The following RACGAP1 variants were observed in gnomAD, a reference collection of about 807,000 sequenced individuals.
The protein encoded by RACGAP1 is rac GTPase-activating protein 1.
RACGAP1 carries 30 observed loss-of-function variants against 78.1 expected under a neutral mutation model. The ratio of observed to expected loss-of-function variants is 0.38; its 90% CI spans 0.29 to 0.52. The LOEUF (loss-of-function observed/expected upper bound fraction) is 0.52, where lower values mean the gene tolerates loss of function less well. Ranked by LOEUF, RACGAP1 falls within the 20% of genes least tolerant of loss-of-function variation. The probability of loss-of-function intolerance (pLI) is 0.82; values close to 1 mark genes in which losing one functional copy is unlikely to be tolerated. For missense variants in RACGAP1, 587 were observed against 777.1 expected (o/e 0.76, Z 2.91); for synonymous variants, 231 against 264.8 (o/e 0.87, Z 1.24).
At position 49,990,316 on chromosome 12, in the gene RACGAP1, A is replaced by G; in HGVS notation, c.1851T>C (p.Thr617=). Residue 617 remains threonine (T), a synonymous_variant, in exon 17 of 17, where the codon ACT becomes ACC. Transcript: ENST00000312377. ...AAAAGTTGCCTTGTCGTCCTAGGTT[A>G]GTGGCAGACTTGCTTTTGCTCCCAA... ...PRFGSKSKSA[T]NLGRQGNFFA... The G allele has an allele frequency of 1.2e-6, 2 of 1,613,838 alleles. No homozygotes were observed. Among genetic ancestry groups the G allele is most frequent in the Non-Finnish European group, 1.7e-6 (2 of 1,179,710 alleles).
chr12:50,017,282 G>A (rs1298854331), intron 1 of RACGAP1, among the ~76,000 whole-genome samples: 1 of 152,228 alleles, frequency 6.6e-6, no homozygotes. Context: ...AATTATTTCT[G>A]TAATACAGGG....
chr12:49,999,593 G>C (rs768430969), intron 8 of RACGAP1, 23 bp downstream of exon 8: 8 of 1,592,044 alleles, frequency 5.0e-6, no homozygotes, highest in Non-Finnish European at 6.9e-6. Context: ...ACACAGGCCA[G>C]TTTAGTCACA....
intron 10 of RACGAP1, among the ~76,000 whole-genome samples, chr12:49,996,628 T>TGAAAAA (rs1948286731): frequency 1.6e-4 from 3 of 18,990 alleles, no homozygotes; most frequent in African/African-American, 6.8e-4. Context: ...GCAATAGAGC[T>TGAAAAA]AAAAAAAAAA....
chr12:50,004,345 G>A (rs2137420645), intron 4 of RACGAP1, 41 bp from the exon 5 acceptor site: 1 of 1,554,222 alleles, frequency 6.4e-7, no homozygotes, highest in Non-Finnish European at 8.8e-7. Flanking sequence ...ATGGTAGACT[G>A]TGGAATGTAA....
chr12:50,016,512 T>C, intron 2 of RACGAP1, 119 bp downstream of exon 2: 1 of 1,084,466 alleles, frequency 9.2e-7, no homozygotes, highest in South Asian at 1.3e-5. Flanking sequence ...GATCACTGCT[T>C]TCTTTTTAGG....
In RACGAP1 at chr12:49,992,125, C is replaced by T. The variant is rs1186241847; in HGVS notation, c.1587G>A (p.Glu529=). The T allele has an allele frequency of 6.2e-7, 1 of 1,613,676 alleles. No homozygotes were observed. Among genetic ancestry groups the T allele is most frequent in the Non-Finnish European group, 8.5e-7 (1 of 1,179,890 alleles). Residue 529 remains glutamate (E), a synonymous_variant, in exon 15 of 17, where the codon GAG becomes GAA. Coordinates refer to ENST00000312377, the MANE Select transcript of RACGAP1 (RefSeq NM_001319999.2). ...ACTCCAGAGGCAAGGAAAGCAGGCG[C>T]TCAACCACCTAAAAGCCAGCAAATC... ...QDIKRQPKVV[E]RLLSLPLEYW...
intron 1 of RACGAP1, among the ~76,000 whole-genome samples, chr12:50,017,628 G>A (rs1037662629): frequency 1.3e-5 from 2 of 152,046 alleles, no homozygotes; most frequent in Non-Finnish European, 2.9e-5. Context: ...AAACTATCAA[G>A]GAAATGAAAT....
At chr12:50,032,577 G>A (rs1053499854) in intron 1 of RACGAP1, among the ~76,000 whole-genome samples, 2 of 151,026 alleles carry the variant, frequency 1.3e-5, no homozygotes. Context: ...GAAGCGGGGT[G>A]GCGTGGGGGC....
At chr12:50,000,255 C>T (rs902690735) in intron 7 of RACGAP1, among the ~76,000 whole-genome samples, 1 of 151,952 alleles carries the variant, frequency 6.6e-6, no homozygotes, top group African/African-American at 2.4e-5. Flanking sequence ...CCTCGTGATC[C>T]ACCCGCCTCA....
chr12:50,015,783 C>A (rs1345474803), intron 2 of RACGAP1, among the ~76,000 whole-genome samples: 1 of 150,236 alleles, frequency 6.7e-6, no homozygotes, highest in Admixed American at 6.7e-5. Context: ...GCCTGGGTGA[C>A]AGTGCAAGAC....
At chr12:49,999,365 T>C in intron 8 of RACGAP1, 94 bp from the exon 9 acceptor site, 6 of 1,458,070 alleles carry the variant, frequency 4.1e-6, no homozygotes, top group Non-Finnish European at 5.5e-6. Flanking sequence ...AACAGTAATC[T>C]GTTATCATAG....
chr12:50,018,571 T>C, intron 1 of RACGAP1: 2 of 1,288,814 alleles, frequency 1.6e-6, no homozygotes, highest in South Asian at 2.5e-5. Flanking sequence ...AATTCAAATG[T>C]TGATTTCCTT....
intron 10 of RACGAP1, among the ~76,000 whole-genome samples, chr12:49,996,628 T>TGAAA (rs1948286731): frequency 1.1e-4 from 2 of 18,996 alleles, no homozygotes; most frequent in Admixed American, 9.4e-4. Context: ...GCAATAGAGC[T>TGAAA]AAAAAAAAAA....
chr12:50,000,372 G>A (rs1236660693), intron 7 of RACGAP1, among the ~76,000 whole-genome samples: 2 of 151,676 alleles, frequency 1.3e-5, no homozygotes, highest in Non-Finnish European at 2.9e-5. Context: ...GGCTGGTCTC[G>A]AACTCCTGAC....
chr12:49,997,573 CTTTT>C (rs572270478), intron 9 of RACGAP1, among the ~76,000 whole-genome samples: 1 of 150,976 alleles, frequency 6.6e-6, no homozygotes, highest in Non-Finnish European at 1.5e-5. Context: ...TGGGCCTGGC[CTTTT>C]TTTGTCTTTT....
chr12:50,009,505 G>C (rs1263144163), intron 2 of RACGAP1, among the ~76,000 whole-genome samples: 1 of 151,872 alleles, frequency 6.6e-6, no homozygotes, highest in East Asian at 1.9e-4. Context: ...CTTTGAACAG[G>C]CTCTTCCATT....
chr12:50,024,128 T>C (rs1950157457), intron 1 of RACGAP1, among the ~76,000 whole-genome samples: 1 of 151,314 alleles, frequency 6.6e-6, no homozygotes, highest in African/African-American at 2.4e-5. Flanking sequence ...GCCACTGCAC[T>C]CCAGCCTGGG....
chr12:49,996,970 A>C, intron 10 of RACGAP1, 70 bp downstream of exon 10: 1 of 1,387,340 alleles, frequency 7.2e-7, no homozygotes, highest in Non-Finnish European at 9.4e-7. Flanking sequence ...TTTAGAACAA[A>C]AACTGACACT....
intron 1 of RACGAP1, among the ~76,000 whole-genome samples, chr12:50,024,299 A>G (rs1220466656): frequency 6.6e-6 from 1 of 152,252 alleles, no homozygotes; most frequent in African/African-American, 2.4e-5. Context: ...TGTAATATAT[A>G]GACAGACATA....
Sources: gnomAD v4.1 joint callset for allele counts (sites outside exome capture counted in the v4.1 genomes callset) on GRCh38, gnomAD v4.1.1 for gene constraint, MANE v1.5 for transcripts, NCBI Gene and HGNC (gene_info 2026-07-23, HGNC 2026-07-21) for gene names.